SYCE1L: variants seen among roughly 807,000 people sequenced by gnomAD.
SYCE1L encodes synaptonemal complex central element protein 1-like.
A neutral mutation model predicts 39.6 loss-of-function variants in SYCE1L; 51 were observed. The observed-to-expected ratio is 1.29, with a 90% confidence interval of 1.03 to 1.63. SYCE1L has a LOEUF of 1.63. SYCE1L is among the 40% of genes most tolerant of loss of function. The pLI is 0.00. For missense variants in SYCE1L, 426 were observed against 304.9 expected (o/e 1.40, Z -2.96); for synonymous variants, 147 against 122.4 (o/e 1.20, Z -1.33).
intron 1 of SYCE1L, chr16:77,200,763 AAAG>A (rs1343543262): frequency 1.9e-5 from 2 of 104,786 alleles, no homozygotes; most frequent in African/African-American, 5.3e-5. Flanking sequence ...AAAAAAAAAA[AAAG>A]AAAAAACAAA....
At chr16:77,203,903 C>T (rs931055981) in intron 1 of SYCE1L, among the ~76,000 whole-genome samples, 1 of 151,960 alleles carries the variant, frequency 6.6e-6, no homozygotes, top group African/African-American at 2.4e-5. Context: ...CCGTTACTTC[C>T]AAGTTTAAAA....
At chr16:77,211,538 G>T (rs1337229301) in intron 7 of SYCE1L, among the ~76,000 whole-genome samples, 1 of 152,166 alleles carries the variant, frequency 6.6e-6, no homozygotes, top group Non-Finnish European at 1.5e-5. Context: ...TGCTCATCTA[G>T]TGTATGTTCA....
At chr16:77,200,262 A>ATATATATATG (rs2054720434) in intron 1 of SYCE1L, 1 of 117,172 alleles carries the variant, frequency 8.5e-6, no homozygotes, top group Non-Finnish European at 1.8e-5. Context: ...ATGTGTATAT[A>ATATATATATG]TATATATATG....
intron 6 of SYCE1L, among the ~76,000 whole-genome samples, 167 bp downstream of exon 6, chr16:77,209,638 G>A (rs977664433): frequency 1.3e-5 from 2 of 151,550 alleles, no homozygotes; most frequent in African/African-American, 2.5e-5. Flanking sequence ...TTAAATGGTC[G>A]TGTTAAGATT....
intron 2 of SYCE1L, 71 bp from the exon 3 acceptor site, chr16:77,208,139 C>A: frequency 7.0e-7 from 1 of 1,435,902 alleles, no homozygotes; most frequent in Non-Finnish European, 9.5e-7. Flanking sequence ...AGACACAGTG[C>A]TTCTCCGTCT....
intron 2 of SYCE1L, among the ~76,000 whole-genome samples, chr16:77,206,765 G>A (rs1407501348): frequency 6.6e-6 from 1 of 151,952 alleles, no homozygotes. Flanking sequence ...TCATGGGCAA[G>A]CAGCTATTGT....
At chr16:77,208,632 G>C in intron 4 of SYCE1L, 93 bp downstream of exon 4, 1 of 1,211,938 alleles carries the variant, frequency 8.3e-7, no homozygotes, top group South Asian at 1.4e-5. Context: ...GGCCTACAAT[G>C]CTCTTAGCTC....
intron 5 of SYCE1L, 61 bp downstream of exon 5, chr16:77,209,205 C>A: frequency 6.5e-7 from 1 of 1,528,852 alleles, no homozygotes; most frequent in Non-Finnish European, 8.9e-7. Flanking sequence ...AGTCTATGCT[C>A]CTCAGAGCAG....
intron 1 of SYCE1L, among the ~76,000 whole-genome samples, chr16:77,205,433 A>AATATATATATATATATATGTAT (rs145238524): frequency 4.1e-4 from 60 of 145,290 alleles, no homozygotes; most frequent in Admixed American, 2.6e-3. Flanking sequence ...CATAGAAGTA[A>AATATATATATATATATATGTAT]ATATATATAT....
At chr16:77,205,892 A>G (rs2054782638) in intron 1 of SYCE1L, among the ~76,000 whole-genome samples, 1 of 152,150 alleles carries the variant, frequency 6.6e-6, no homozygotes. Context: ...AGCTGAAACA[A>G]ACTCTCTATA....
rs1223226686 is a variant in SYCE1L at position 77,212,351 on chromosome 16, C to A, written c.563C>A (p.Ala188Asp). 2 of 1,527,380 alleles carry A rather than the reference C, an allele frequency of 1.3e-6. No homozygotes were observed. Among genetic ancestry groups the A allele is most frequent in the East Asian group, 5.0e-5 (2 of 40,288 alleles). 94.6% of individuals were successfully genotyped at this position (1,527,380 alleles called of 1,614,324 possible). A position where few individuals can be genotyped will look rare whatever the true frequency, so the allele number is the denominator to read the frequency against. ...CACTCGCCGCCTGAGGTCGAGGGCG[C>A]CATGGCGGTGAATGACGGGTGAGAG... The part of the protein sequence containing the change: ...RLHSPPEVEG[A>D]MAVNDGLKAE... Residue 188 changes from alanine to aspartate, a missense_variant, in exon 9 of 11, where the codon GCC (alanine) becomes GAC (aspartate). Transcript: ENST00000378644.
intron 9 of SYCE1L, 65 bp downstream of exon 9, chr16:77,212,434 TCCCCCGCTCCG>T (rs1254746804): frequency 1.3e-6 from 2 of 1,529,686 alleles, no homozygotes; most frequent in African/African-American, 2.8e-5. Context: ...CCCGCCCAGG[TCCCCCGCTCCG>T]CCCCCGACTG....
Position 77,212,266 on chromosome 16 carries a change from G to C in SYCE1L, c.494-16G>C. 6.6e-7 allele frequency: 1 copy of C among 1,518,258 alleles called. No homozygotes were observed. The highest frequency in any genetic ancestry group is 8.8e-7 in the Non-Finnish European group (1 of 1,133,692). The allele number at this position is 1,518,258 out of a possible 1,614,324, so 94.0% of individuals were successfully genotyped here. On this transcript the variant is annotated splice_polypyrimidine_tract_variant and intron_variant, in intron 8 of 10. Transcript: ENST00000378644. ...CCCGGGCCTCGGCCCTGCCCCTGAC[G>C]CCCGCCCACCGACAGGGAGGCTGGT...
chr16:77,213,083 C>G lies in SYCE1L; in HGVS notation c.*152C>G, dbSNP rs893419112. 2.3e-5 allele frequency: 18 copies of G among 783,736 alleles called. No homozygotes were observed. Among genetic ancestry groups the G allele is most frequent in the Admixed American group, 3.9e-5 (1 of 25,536 alleles). 48.5% of individuals were successfully genotyped at this position (783,736 alleles called of 1,614,324 possible). On this transcript the variant is annotated 3_prime_UTR_variant, in exon 11 of 11. Transcript: ENST00000378644. The stretch of plus-strand genomic sequence containing the variant: ...TGGGATCTCGAGGCGGGGCCTCTGC[C>G]GGACCCCTCCCACCAGTCGAGCCCC...
intron 1 of SYCE1L, chr16:77,201,589 G>C (rs958292111): frequency 6.6e-6 from 1 of 152,060 alleles, no homozygotes; most frequent in African/African-American, 2.4e-5. Flanking sequence ...CTTCCACTTC[G>C]GCAGTGACCA....
In SYCE1L at chr16:77,212,605, C is replaced by G; in HGVS notation, c.613C>G (p.Gln205Glu). The change falls in exon 10 of 11, where the codon CAG (glutamine) becomes GAG (glutamate). Residue 205 changes from glutamine (Q) to glutamate (E), a missense_variant. Transcript: ENST00000378644. The stretch of plus-strand genomic sequence containing the variant: ...GGCGGAGCTGGAGATATTCGGGGAG[C>G]AGGTCCGGAGCGCCCCCGAGGTCGG... The part of the protein sequence containing the change: ...LKAELEIFGE[Q>E]VRSAPEVGAG... 1 of 1,536,028 alleles carries G rather than the reference C, an allele frequency of 6.5e-7. No individual in the cohort carries two copies. The highest frequency in any genetic ancestry group is 8.7e-7 in the Non-Finnish European group (1 of 1,146,434).
rs1362993674 is a variant in SYCE1L at position 77,212,948 on chromosome 16, C to G, written c.*17C>G. On this transcript the variant is annotated 3_prime_UTR_variant, in exon 11 of 11. Transcript: ENST00000378644. Reference sequence around the variant, plus strand: ...GCCCTCTAGGCCAGCAGGACCCGCCCGTTCCCGACCTTCCCTCGAGACCCG... The same window carrying G: ...GCCCTCTAGGCCAGCAGGACCCGCCGGTTCCCGACCTTCCCTCGAGACCCG... 1.3e-6 allele frequency: 2 copies of G among 1,484,402 alleles called. No individual in the cohort carries two copies. The highest frequency in any genetic ancestry group is 1.8e-6 in the Non-Finnish European group (2 of 1,119,088). 92.0% of individuals were successfully genotyped at this position (1,484,402 alleles called of 1,614,324 possible). A position where few individuals can be genotyped will look rare whatever the true frequency, so the allele number is the denominator to read the frequency against.
In SYCE1L at chr16:77,213,003, A is replaced by T; in HGVS notation, c.*72A>T. The T allele has an allele frequency of 7.2e-7, 1 of 1,383,658 alleles. No individual in the cohort carries two copies. Among genetic ancestry groups the T allele is most frequent in the Non-Finnish European group, 9.5e-7 (1 of 1,048,012 alleles). 85.7% of individuals were successfully genotyped at this position (1,383,658 alleles called of 1,614,324 possible). Reference sequence around the variant, plus strand: ...GAAATAAAGGCGATGATTTCCGACCATGCTCGCGTTCTCCGCGGAGTCTGT... The same window carrying T: ...GAAATAAAGGCGATGATTTCCGACCTTGCTCGCGTTCTCCGCGGAGTCTGT... On this transcript the variant is annotated 3_prime_UTR_variant, in exon 11 of 11. Transcript: ENST00000378644.
At position 77,213,031 on chromosome 16, in the gene SYCE1L, T is replaced by G; in HGVS notation, c.*100T>G. ...CTCGCGTTCTCCGCGGAGTCTGTGC[T>G]ACACCGTGGAGCGGGGCGGGGCGTG... On this transcript the variant is annotated 3_prime_UTR_variant, in exon 11 of 11. Coordinates refer to ENST00000378644, the MANE Select transcript of SYCE1L (RefSeq NM_001129979.3). 2 of 1,185,246 alleles carry G rather than the reference T, an allele frequency of 1.7e-6. No individual in the cohort carries two copies. Among genetic ancestry groups the G allele is most frequent in the Non-Finnish European group, 2.2e-6 (2 of 909,172 alleles). 73.4% of individuals were successfully genotyped at this position (1,185,246 alleles called of 1,614,324 possible).
Sources: allele counts gnomAD v4.1 joint callset (sites outside exome capture counted in the v4.1 genomes callset), GRCh38; gene constraint gnomAD v4.1.1; transcripts MANE v1.5; gene names NCBI Gene and HGNC (gene_info 2026-07-23, HGNC 2026-07-21).